RNF111: variants seen among roughly 807,000 people sequenced by gnomAD.
The protein encoded by RNF111 is ring finger protein 111, also known as E3 ubiquitin-protein ligase Arkadia.
Under a neutral mutation model 95.1 loss-of-function variants are expected in RNF111, and 17 were observed. That is an observed-to-expected ratio of 0.18 (90% confidence interval 0.12 to 0.27). RNF111 has a LOEUF of 0.27. Among genes scored for constraint, RNF111 ranks in the 10% least tolerant of loss-of-function variants. The pLI is 1.00. For missense variants in RNF111, 1,189 were observed against 1,210.4 expected (o/e 0.98, Z 0.26); for synonymous variants, 440 against 414.8 (o/e 1.06, Z -0.74).
chr15:59,095,675 GC>G lies in RNF111; in HGVS notation c.*776del, dbSNP rs1454472025. 2 of 213,168 alleles carry G rather than the reference GC, an allele frequency of 9.4e-6. No homozygotes were observed. Among genetic ancestry groups the G allele is most frequent in the Admixed American group, 5.8e-5 (1 of 17,204 alleles). 13.2% of individuals were successfully genotyped at this position (213,168 alleles called of 1,614,324 possible). On this transcript the variant is annotated 3_prime_UTR_variant, in exon 14 of 14. Transcript: ENST00000348370. ...ATTCAGTTTTTGCTGCTGTGAAACAGCTCTGATGAACACTAAATATTAATTT... is the reference window on the plus strand; with the variant it reads ...ATTCAGTTTTTGCTGCTGTGAAACAGTCTGATGAACACTAAATATTAATTT...
intron 1 of RNF111, among the ~76,000 whole-genome samples, chr15:58,991,660 T>G (rs1016739260): frequency 5.3e-5 from 8 of 152,340 alleles, no homozygotes; most frequent in Middle Eastern, 3.4e-3. Context: ...GGAGGAAGAC[T>G]GCTACAGATA....
At chr15:59,022,518 A>G (rs1269726474) in intron 1 of RNF111, among the ~76,000 whole-genome samples, 1 of 152,216 alleles carries the variant, frequency 6.6e-6, no homozygotes, top group Non-Finnish European at 1.5e-5. Context: ...CATGAGCAGT[A>G]ATATCCAGAC....
chr15:59,031,599 T>A lies in RNF111; in HGVS notation c.777T>A (p.Asn259Lys). ...CTAGTTCTAGTAGTTCCAGTGAGAA[T>A]GACCTCAGCAGTGAATCCTCTTCTA... is the stretch of plus-strand genomic sequence containing the variant. ...LLPSSSSSSE[N>K]DLSSESSSSS... is the part of the protein sequence containing the mutation. Residue 259 changes from asparagine (N) to lysine (K), a missense_variant, in exon 2 of 14, where the codon AAT (asparagine) becomes AAA (lysine). Physicochemically the swap from Asn to Lys is moderately conservative, Grantham distance 94 (BLOSUM62 0). Coordinates refer to ENST00000348370, the MANE Select transcript of RNF111 (RefSeq NM_017610.8). The A allele has an allele frequency of 6.2e-7, 1 of 1,614,232 alleles. No homozygotes were observed. Among genetic ancestry groups the A allele is most frequent in the Non-Finnish European group, 8.5e-7 (1 of 1,180,034 alleles).
rs1208515921 is a variant in RNF111 at position 59,071,690 on chromosome 15, CA to C, written c.1687-4249del. The stretch of plus-strand genomic sequence containing the variant: ...AGCCTGGGTAACAGAGATCCTGTCG[CA>C]AAAAAAAAAAAAAATAAAGTTTTTG... On this transcript the variant is annotated intron_variant, in intron 6 of 13. Coordinates refer to ENST00000348370, the MANE Select transcript of RNF111 (RefSeq NM_017610.8). Among the ~76,000 whole-genome samples, 483 of 119,344 alleles carry C rather than the reference CA, an allele frequency of 4.0e-3. 1 individual carries two copies. The highest frequency in any genetic ancestry group is 8.3e-3 in the African/African-American group (261 of 31,454). 78.3% of individuals were successfully genotyped at this position (119,344 alleles called of 152,430 possible). A position where few individuals can be genotyped will look rare whatever the true frequency, so the allele number is the denominator to read the frequency against.
chr15:59,078,870 A>G (rs1483407292), intron 7 of RNF111, among the ~76,000 whole-genome samples: 1 of 151,948 alleles, frequency 6.6e-6, no homozygotes, highest in African/African-American at 2.4e-5. Context: ...AAAGAAGAAA[A>G]AAAAAAAAAA....
At chr15:59,013,388 T>C (rs1185939621) in intron 1 of RNF111, among the ~76,000 whole-genome samples, 1 of 152,228 alleles carries the variant, frequency 6.6e-6, no homozygotes. Context: ...TTTCACAGTT[T>C]CTCAGTCTTC....
intron 1 of RNF111, among the ~76,000 whole-genome samples, chr15:59,010,442 C>A (rs2039746106): frequency 6.6e-6 from 1 of 151,904 alleles, no homozygotes; most frequent in Non-Finnish European, 1.5e-5. Context: ...CACTCTGTCG[C>A]CCAGGCTGGA....
Position 59,076,092 on chromosome 15 carries a change from G to A in RNF111, c.1825G>A (p.Ala609Thr). The change falls in exon 7 of 14, where the codon GCT (alanine) becomes ACT (threonine). Residue 609 changes from alanine (A) to threonine (T), a missense_variant. Around this residue, in one of 2 missense-constraint regions of RNF111, gnomAD observed 1,024 missense variants for 925.9 expected, o/e 1.11. Transcript: ENST00000348370. ...AAIFGHQAAA[A>T]APSQPLSSID... is the part of the protein sequence containing the mutation. ...AATCTTTGGCCATCAGGCCGCTGCTGCTGCCCCAAGTCAACCTTTATCATC... is the reference window on the plus strand; with the variant it reads ...AATCTTTGGCCATCAGGCCGCTGCTACTGCCCCAAGTCAACCTTTATCATC... 6.2e-7 allele frequency: 1 copy of A among 1,614,196 alleles called. No homozygotes were observed. Among genetic ancestry groups the A allele is most frequent in the Non-Finnish European group, 8.5e-7 (1 of 1,180,038 alleles).
At position 59,066,946 on chromosome 15, in the gene RNF111, C is replaced by A. The variant is rs755631504; in HGVS notation, c.1549C>A (p.His517Asn). 1 of 1,614,068 alleles carries A rather than the reference C, an allele frequency of 6.2e-7. No individual in the cohort carries two copies. ...QHGHHFQHHHHHHHTPHPAVP... is the reference protein window; with the variant it reads ...QHGHHFQHHHNHHHTPHPAVP... ...TGGTCACCATTTTCAACATCATCAC[C>A]ACCACCACCATACTCCCCACCCAGC... Residue 517 changes from histidine to asparagine, a missense_variant, in exon 6 of 14, where the codon CAC (histidine) becomes AAC (asparagine). Physicochemically the swap from His to Asn is moderately conservative, Grantham distance 68 (BLOSUM62 1). Transcript: ENST00000348370.
chr15:59,058,881 T>C (rs749200084), intron 5 of RNF111, among the ~76,000 whole-genome samples: 2 of 152,162 alleles, frequency 1.3e-5, no homozygotes, highest in Non-Finnish European at 2.9e-5. Flanking sequence ...AAGGATATTA[T>C]CAAGACAGTG....
At chr15:59,045,675 C>G (rs923040461) in intron 2 of RNF111, among the ~76,000 whole-genome samples, 1 of 151,982 alleles carries the variant, frequency 6.6e-6, no homozygotes, top group Non-Finnish European at 1.5e-5. Context: ...ATACATAATG[C>G]TTTTAGTTTT....
At chr15:59,002,333 A>C (rs1388236689) in intron 1 of RNF111, among the ~76,000 whole-genome samples, 2 of 152,188 alleles carry the variant, frequency 1.3e-5, no homozygotes, top group Non-Finnish European at 2.9e-5. Flanking sequence ...TTTCCTTTAG[A>C]ATTAATAGCT....
chr15:59,062,788 C>T lies in RNF111; in HGVS notation c.1367-3976C>T, dbSNP rs1012729289. On this transcript the variant is annotated intron_variant, in intron 5 of 13. Transcript: ENST00000348370. ...CAAACCTAGGCAGTCTGGCGTGGTA[C>T]CTCTACTTTTCCCCTTTATGCCAAG... 3.7e-4 allele frequency among the ~76,000 whole-genome samples: 57 copies of T among 152,146 alleles called. 1 individual carries two copies. Among genetic ancestry groups the T allele is most frequent in the Admixed American group, 3.7e-3 (56 of 15,274 alleles).
Position 59,031,007 on chromosome 15 carries a change from A to G in RNF111, c.185A>G (p.Asn62Ser). The part of the protein sequence containing the change: ...GVEMINSKVG[N>S]EFSHLCDDSQ... ...GAGATGATTAATAGTAAAGTGGGGA[A>G]TGAATTCTCTCACCTGTGTGATGAT... is the stretch of plus-strand genomic sequence containing the variant. The change falls in exon 2 of 14, where the codon AAT becomes AGT. Residue 62 changes from asparagine (N) to serine (S), a missense_variant. Coordinates refer to ENST00000348370, the MANE Select transcript of RNF111 (RefSeq NM_017610.8). 1 of 1,614,234 alleles carries G rather than the reference A, an allele frequency of 6.2e-7. No individual in the cohort carries two copies.
intron 6 of RNF111, among the ~76,000 whole-genome samples, chr15:59,072,334 C>G (rs1281433577): frequency 6.6e-6 from 1 of 150,882 alleles, no homozygotes; most frequent in African/African-American, 2.4e-5. Context: ...CATAGAACTT[C>G]TTTCAGAATT....
At chr15:59,034,407 ATG>A in intron 2 of RNF111, among the ~76,000 whole-genome samples, 1 of 152,328 alleles carries the variant, frequency 6.6e-6, no homozygotes, top group Non-Finnish European at 1.5e-5. Context: ...CTCGATGCTA[ATG>A]TCGTGATGAT....
At chr15:58,998,961 A>G (rs1465424278) in intron 1 of RNF111, among the ~76,000 whole-genome samples, 1 of 152,212 alleles carries the variant, frequency 6.6e-6, no homozygotes, top group Non-Finnish European at 1.5e-5. Context: ...AGTATCGAGC[A>G]GTTGTTTTTT....
At chr15:59,015,295 T>C (rs144276574) in intron 1 of RNF111, among the ~76,000 whole-genome samples, 9 of 152,338 alleles carry the variant, frequency 5.9e-5, no homozygotes, top group African/African-American at 1.4e-4. Context: ...GTTAGAGATA[T>C]TGTCATGTTT....
chr15:59,035,788 C>G (rs1218171007), intron 2 of RNF111, among the ~76,000 whole-genome samples: 26 of 152,172 alleles, frequency 1.7e-4, no homozygotes, highest in Non-Finnish European at 5.9e-5. Context: ...TTGTCTACAT[C>G]TGAGGCTACC....
Sources: allele counts gnomAD v4.1 joint callset (sites outside exome capture counted in the v4.1 genomes callset), GRCh38; gene constraint gnomAD v4.1.1; regional missense constraint gnomAD v4.1.1; transcripts MANE v1.5; gene names NCBI Gene and HGNC (gene_info 2026-07-23, HGNC 2026-07-21).